The following DNAI4 variants were observed in gnomAD, a reference collection of about 807,000 sequenced individuals.
DNAI4 encodes the protein dynein axonemal intermediate chain 4, also known as WD repeat domain 78.
Under a neutral mutation model 105.8 loss-of-function variants are expected in DNAI4, and 85 were observed. The observed-to-expected ratio is 0.80, with a 90% CI of 0.67 to 0.96. DNAI4 has a LOEUF of 0.96. DNAI4 is among the 40% of genes least tolerant of loss of function. The pLI, the probability that DNAI4 is intolerant of heterozygous loss-of-function variation, is 0.00. For missense variants in DNAI4, 1,014 were observed against 1,005.6 expected (o/e 1.01, Z -0.11); for synonymous variants, 352 against 331.5 (o/e 1.06, Z -0.67).
chr1:66,822,101 T>C (rs1645639952), intron 16 of DNAI4, among the ~76,000 whole-genome samples: 1 of 152,106 alleles, frequency 6.6e-6, no homozygotes, highest in South Asian at 2.1e-4. Flanking sequence ...CAATTTTAGG[T>C]TATCCCATAT....
intron 12 of DNAI4, 76 bp downstream of exon 12, chr1:66,833,915 A>C: frequency 6.7e-7 from 1 of 1,498,050 alleles, no homozygotes; most frequent in Non-Finnish European, 8.9e-7. Context: ...AAAATTTGTC[A>C]TCTTTCACAC....
intron 16 of DNAI4, among the ~76,000 whole-genome samples, chr1:66,819,819 C>T (rs1428011482): frequency 6.6e-6 from 1 of 152,042 alleles, no homozygotes; most frequent in Non-Finnish European, 1.5e-5. Flanking sequence ...CACTCAATTC[C>T]CACTCCCAAC....
intron 7 of DNAI4, among the ~76,000 whole-genome samples, chr1:66,861,502 G>A (rs984410989): frequency 1.8e-4 from 27 of 152,116 alleles, no homozygotes; most frequent in African/African-American, 6.0e-4. Context: ...AAGTTTATTT[G>A]GAAAGCTACA....
chr1:66,835,724 T>A lies in DNAI4; in HGVS notation c.1635A>T (p.Ser545=), dbSNP rs1645971494. The A allele has an allele frequency of 6.2e-7, 1 of 1,614,028 alleles. No individual in the cohort carries two copies. Among genetic ancestry groups the A allele is most frequent in the Non-Finnish European group, 8.5e-7 (1 of 1,180,018 alleles). ...CGGCTAAAAGGTTAGGTGCTCCAAT[T>A]GAAAAATCCACAGCAGTAACTCCAT... ...SPYGVTAVDF[S]IGAPNLLAVG... Residue 545 remains serine, a synonymous_variant, in exon 11 of 17, where the codon TCA becomes TCT. Transcript: ENST00000371026.
At chr1:66,836,573 C>T (rs1440643924) in intron 10 of DNAI4, among the ~76,000 whole-genome samples, 5 of 152,124 alleles carry the variant, frequency 3.3e-5, no homozygotes, top group African/African-American at 4.8e-5. Context: ...TTCTACAACC[C>T]CATGAAGAGT....
At chr1:66,900,345 C>A (rs1177751533) in intron 2 of DNAI4, among the ~76,000 whole-genome samples, 1 of 152,102 alleles carries the variant, frequency 6.6e-6, no homozygotes, top group African/African-American at 2.4e-5. Flanking sequence ...AGGTGATCCA[C>A]CTGCCTTGGC....
At chr1:66,908,225 C>G (rs1649404640) in intron 1 of DNAI4, among the ~76,000 whole-genome samples, 1 of 152,182 alleles carries the variant, frequency 6.6e-6, no homozygotes, top group Non-Finnish European at 1.5e-5. Context: ...AACACATGCC[C>G]TATTCTGGAC....
chr1:66,858,634 T>C (rs899754887), intron 7 of DNAI4, among the ~76,000 whole-genome samples: 1 of 152,072 alleles, frequency 6.6e-6, no homozygotes, highest in African/African-American at 2.4e-5. Context: ...ATGGCGTTTT[T>C]TCAAGGTATG....
At chr1:66,905,994 G>A (rs753288096) in intron 1 of DNAI4, among the ~76,000 whole-genome samples, 23 of 147,228 alleles carry the variant, frequency 1.6e-4, no homozygotes, top group Non-Finnish European at 2.8e-4. Flanking sequence ...CGTGATCTCG[G>A]CTCACCGCAA....
intron 5 of DNAI4, among the ~76,000 whole-genome samples, chr1:66,872,999 T>C (rs1245042596): frequency 6.6e-6 from 1 of 152,070 alleles, no homozygotes; most frequent in African/African-American, 2.4e-5. Context: ...AGGCTTGAGC[T>C]ACCACACCCG....
chr1:66,830,859 C>T (rs1302450911), intron 13 of DNAI4, among the ~76,000 whole-genome samples: 1 of 149,666 alleles, frequency 6.7e-6, no homozygotes, highest in Non-Finnish European at 1.5e-5. Flanking sequence ...TGGCTGTAAT[C>T]CCAGTTGTTT....
Position 66,814,146 on chromosome 1 carries a change from G to A in DNAI4, c.2531C>T (p.Ser844Leu). 1 of 1,590,540 alleles carries A rather than the reference G, an allele frequency of 6.3e-7. No individual in the cohort carries two copies. The highest frequency in any genetic ancestry group is 1.3e-5 in the African/African-American group (1 of 74,406). ...AATGATGAATTATGCTGATTGGTTT[G>A]ACTTGGATCCAAGCAAAGTATCCAT... Reference protein sequence around the residue: ...DIMDTLLGSKSNQSA With the variant: ...DIMDTLLGSKLNQSA Residue 844 changes from serine to leucine, a missense_variant, in exon 17 of 17, where the codon TCA becomes TTA. Physicochemically the swap from Ser to Leu is moderately radical, Grantham distance 145. Coordinates refer to ENST00000371026, the MANE Select transcript of DNAI4 (RefSeq NM_024763.5).
intron 10 of DNAI4, 71 bp from the exon 11 acceptor site, chr1:66,835,848 G>A: frequency 6.9e-7 from 1 of 1,442,266 alleles, no homozygotes; most frequent in Non-Finnish European, 9.7e-7. Context: ...AATGGTGGCT[G>A]AGATTTAGTT....
intron 12 of DNAI4, 100 bp from the exon 13 acceptor site, chr1:66,833,806 G>A: frequency 6.8e-6 from 10 of 1,461,362 alleles, no homozygotes; most frequent in Middle Eastern, 3.7e-4. Context: ...TATTAGTTCT[G>A]CCAACTTTTG....
chr1:66,826,993 G>A lies in DNAI4; in HGVS notation c.2166C>T (p.Ser722=). 1 of 1,613,820 alleles carries A rather than the reference G, an allele frequency of 6.2e-7. No individual in the cohort carries two copies. The highest frequency in any genetic ancestry group is 8.5e-7 in the Non-Finnish European group (1 of 1,179,974). ...WNPFCHDVFL[S]CSADWGVIIW... ...TAATAACACCCCAATCTGCAGAACAGCTTAAAAATACATCATGACAAAATG... is the reference window on the plus strand; with the variant it reads ...TAATAACACCCCAATCTGCAGAACAACTTAAAAATACATCATGACAAAATG... Residue 722 remains serine, a synonymous_variant, in exon 15 of 17, where the codon AGC becomes AGT. Coordinates refer to ENST00000371026, the MANE Select transcript of DNAI4 (RefSeq NM_024763.5).
intron 1 of DNAI4, among the ~76,000 whole-genome samples, chr1:66,916,194 T>A (rs1650062141): frequency 6.6e-6 from 1 of 151,444 alleles, no homozygotes; most frequent in East Asian, 1.9e-4. Context: ...TTCAAGCATA[T>A]CATGAATAAT....
intron 4 of DNAI4, among the ~76,000 whole-genome samples, chr1:66,878,587 T>C (rs1275091141): frequency 6.6e-6 from 1 of 152,212 alleles, no homozygotes. Context: ...CTAACTTGTA[T>C]ATACAAACAT....
Position 66,829,849 on chromosome 1 carries a change from C to G in DNAI4, c.2014-1939G>C, listed in dbSNP as rs559566907. ...CAAATCTTAATAAATTCACGGAGTT[C>G]AGTTTATAAAAAGTATTTTCTCTAA... On this transcript the variant is annotated intron_variant, in intron 13 of 16. Coordinates refer to ENST00000371026, the MANE Select transcript of DNAI4 (RefSeq NM_024763.5). Among the ~76,000 whole-genome samples, 24 of 152,224 alleles carry G rather than the reference C, an allele frequency of 1.6e-4. No homozygotes were observed. The South Asian group carries it at 2.3e-3, about 14-fold the overall frequency.
At chr1:66,858,267 C>T (rs1313739376) in intron 7 of DNAI4, among the ~76,000 whole-genome samples, 2 of 151,920 alleles carry the variant, frequency 1.3e-5, no homozygotes, top group East Asian at 1.9e-4. Context: ...CGGTGGCTCA[C>T]GCCTGTAATC....
Sources: gnomAD v4.1 joint callset for allele counts (sites outside exome capture counted in the v4.1 genomes callset) on GRCh38, gnomAD v4.1.1 for gene constraint, MANE v1.5 for transcripts, NCBI Gene and HGNC (gene_info 2026-07-23, HGNC 2026-07-21) for gene names.